SRP72: variants seen among roughly 807,000 people sequenced by gnomAD.
SRP72 encodes signal recognition particle 72.
Under a neutral mutation model 96.3 loss-of-function variants are expected in SRP72, and 49 were observed. That is an observed-to-expected ratio of 0.51 (90% CI 0.40 to 0.65). The LOEUF is 0.65. Ranked by LOEUF, SRP72 falls within the 30% of genes least tolerant of loss-of-function variation. SRP72 has a pLI of 0.00. For missense variants in SRP72, 736 were observed against 793.3 expected (o/e 0.93, Z 0.87); for synonymous variants, 267 against 275.2 (o/e 0.97, Z 0.30).
chr4:56,501,647 A>G, intron 18 of SRP72, 37 bp from the exon 19 acceptor site: 1 of 1,584,528 alleles, frequency 6.3e-7, no homozygotes, highest in Non-Finnish European at 8.6e-7. Flanking sequence ...TCCTTCGTTG[A>G]ATATATGAGT....
intron 17 of SRP72, 56 bp from the exon 18 acceptor site, chr4:56,500,480 A>G: frequency 6.4e-7 from 1 of 1,552,404 alleles, no homozygotes; most frequent in Non-Finnish European, 8.8e-7. Context: ...TCGTTTAAAC[A>G]AACTATCTTG....
Position 56,467,671 on chromosome 4 carries a change from T to C in SRP72, c.36T>C (p.Pro12=). The C allele has an allele frequency of 1.3e-6, 2 of 1,561,908 alleles. No individual in the cohort carries two copies. The highest frequency in any genetic ancestry group is 1.7e-6 in the Non-Finnish European group (2 of 1,156,002). The change falls in exon 1 of 19, where the codon CCT becomes CCC. Residue 12 remains proline, a synonymous_variant. Transcript: ENST00000642900. ...GCGGCAGCGGGGGGGTGTCAGTACCTGCGCTGTGGAGTGAAGTGAACCGGT... is the reference window on the plus strand; with the variant it reads ...GCGGCAGCGGGGGGGTGTCAGTACCCGCGCTGTGGAGTGAAGTGAACCGGT... The part of the protein sequence containing the change: ...ASGGSGGVSV[P]ALWSEVNRYG...
intron 17 of SRP72, among the ~76,000 whole-genome samples, chr4:56,499,121 C>T (rs56040009): frequency 5.3e-5 from 8 of 152,170 alleles, no homozygotes; most frequent in African/African-American, 1.9e-4. Flanking sequence ...CACACATCTA[C>T]AACCATCTGA....
chr4:56,492,373 G>A (rs1720940484), intron 16 of SRP72, among the ~76,000 whole-genome samples: 1 of 152,162 alleles, frequency 6.6e-6, no homozygotes, highest in Non-Finnish European at 1.5e-5. Context: ...CTTAAAAGAA[G>A]TCAGATTTTG....
chr4:56,498,520 C>T (rs911481700), intron 17 of SRP72, among the ~76,000 whole-genome samples: 4 of 152,156 alleles, frequency 2.6e-5, no homozygotes, highest in African/African-American at 9.7e-5. Flanking sequence ...ATTTAGAAAA[C>T]CCCATCGTCT....
chr4:56,476,625 G>A (rs1309797443), intron 5 of SRP72, 46 bp from the exon 6 acceptor site: 5 of 1,597,636 alleles, frequency 3.1e-6, no homozygotes, highest in Non-Finnish European at 4.3e-6. Context: ...GAAAGAAATG[G>A]GATTTACCCA....
At chr4:56,494,856 G>GTAAGTA (rs1369730113) in intron 16 of SRP72, among the ~76,000 whole-genome samples, 1 of 152,104 alleles carries the variant, frequency 6.6e-6, no homozygotes, top group Non-Finnish European at 1.5e-5. Flanking sequence ...AAGTGTAAGA[G>GTAAGTA]TAAGTAAAAA....
intron 17 of SRP72, among the ~76,000 whole-genome samples, chr4:56,500,047 G>A (rs1013708163): frequency 1.3e-5 from 2 of 151,720 alleles, no homozygotes; most frequent in African/African-American, 4.9e-5. Context: ...AAAACGATGA[G>A]TTCATATCCT....
At chr4:56,480,345 C>T (rs1426923876) in intron 8 of SRP72, among the ~76,000 whole-genome samples, 1 of 152,154 alleles carries the variant, frequency 6.6e-6, no homozygotes, top group Non-Finnish European at 1.5e-5. Flanking sequence ...CTGCAGCCTC[C>T]ACCTCCCGGG....
At chr4:56,472,476 G>C (rs953232243) in intron 3 of SRP72, among the ~76,000 whole-genome samples, 2 of 151,224 alleles carry the variant, frequency 1.3e-5, no homozygotes, top group African/African-American at 4.9e-5. Context: ...CTTCCAAGTA[G>C]CTGTGATTAC....
At chr4:56,495,551 T>C (rs1327684006) in intron 17 of SRP72, among the ~76,000 whole-genome samples, 157 bp downstream of exon 17, 10 of 152,266 alleles carry the variant, frequency 6.6e-5, no homozygotes. Context: ...ATTCTATTAC[T>C]TTAAAGATCG....
chr4:56,494,217 G>T (rs1464001357), intron 16 of SRP72, among the ~76,000 whole-genome samples: 1 of 152,124 alleles, frequency 6.6e-6, no homozygotes, highest in Non-Finnish European at 1.5e-5. Flanking sequence ...GATACAGTAT[G>T]TTGCATTTCT....
chr4:56,478,821 C>T (rs990082451), intron 8 of SRP72, among the ~76,000 whole-genome samples, 172 bp downstream of exon 8: 5 of 152,166 alleles, frequency 3.3e-5, no homozygotes, highest in African/African-American at 4.8e-5. Flanking sequence ...GATAATGATG[C>T]TGCAAGGTAT....
At position 56,489,352 on chromosome 4, in the gene SRP72, G is replaced by A. The variant is rs760212319; in HGVS notation, c.1225-36G>A. 4.9e-6 allele frequency: 6 copies of A among 1,235,366 alleles called. No homozygotes were observed. The Admixed American group carries it at 1.2e-4, about 24-fold the overall frequency. The allele number at this position is 1,235,366 out of a possible 1,614,324, so 76.5% of individuals were successfully genotyped here. On this transcript the variant is annotated intron_variant, in intron 12 of 18. Transcript: ENST00000642900. ...TCAAAAGCGGTATTCTGGGAGTGAA[G>A]GGGGAGTTCACTAATTTATACCTTT...
intron 9 of SRP72, 137 bp from the exon 10 acceptor site, chr4:56,484,599 T>C: frequency 2.6e-6 from 3 of 1,139,670 alleles, no homozygotes; most frequent in Non-Finnish European, 3.8e-6. Context: ...TACTGTAAAC[T>C]GATTCTCTTA....
chr4:56,481,241 G>A (rs1720472433), intron 8 of SRP72, among the ~76,000 whole-genome samples: 1 of 151,966 alleles, frequency 6.6e-6, no homozygotes, highest in Non-Finnish European at 1.5e-5. Context: ...GATTTTTTTC[G>A]CTTCCTTTTT....
At chr4:56,475,265 T>C (rs1284514666) in intron 5 of SRP72, among the ~76,000 whole-genome samples, 4 of 152,218 alleles carry the variant, frequency 2.6e-5, no homozygotes, top group East Asian at 1.9e-4. Flanking sequence ...TTAAGAATTA[T>C]AATTTTTTTG....
At position 56,478,360 on chromosome 4, in the gene SRP72, A is replaced by G; in HGVS notation, c.643-19A>G. 1 of 1,549,970 alleles carries G rather than the reference A, an allele frequency of 6.5e-7. No individual in the cohort carries two copies. Among genetic ancestry groups the G allele is most frequent in the South Asian group, 1.2e-5 (1 of 82,036 alleles). ...TCAGTTTGGAAAATTTATATGGGAAAAACATTTCTTTCTCTTAGGATGGGA... is the reference window on the plus strand; with the variant it reads ...TCAGTTTGGAAAATTTATATGGGAAGAACATTTCTTTCTCTTAGGATGGGA... On this transcript the variant is annotated intron_variant, in intron 6 of 18. Coordinates refer to ENST00000642900, the MANE Select transcript of SRP72 (RefSeq NM_006947.4).
chr4:56,476,594 G>A (rs1720230935), intron 5 of SRP72, 77 bp from the exon 6 acceptor site: 1 of 1,471,524 alleles, frequency 6.8e-7, no homozygotes, highest in East Asian at 2.3e-5. Context: ...TAGGAATTTA[G>A]ATCTTGCTCT....
Sources: gnomAD v4.1 joint callset for allele counts (sites outside exome capture counted in the v4.1 genomes callset) on GRCh38, gnomAD v4.1.1 for gene constraint, MANE v1.5 for transcripts, NCBI Gene and HGNC (gene_info 2026-07-23, HGNC 2026-07-21) for gene names.